The following FMN1 variants were observed in gnomAD, a reference collection of about 807,000 sequenced individuals.
FMN1 encodes formin-1.
Under a neutral mutation model 132.4 loss-of-function variants are expected in FMN1, and 110 were observed. That is an observed-to-expected ratio of 0.83 (90% CI 0.71 to 0.97). The LOEUF is 0.97. Among genes scored for constraint, FMN1 ranks in the 50% least tolerant of loss-of-function variants. FMN1 has a pLI of 0.00. For synonymous variants in FMN1, 722 were observed against 651.7 expected, an observed-to-expected ratio of 1.11 and a Z score of -1.64; for missense variants, 1,792 against 1,705.3, an observed-to-expected ratio of 1.05 and a Z score of -0.90.
intron 5 of FMN1, among the ~76,000 whole-genome samples, chr15:33,081,956 C>T (rs1456771610): frequency 6.6e-6 from 1 of 151,790 alleles, no homozygotes; most frequent in Non-Finnish European, 1.5e-5. Flanking sequence ...GTATGCAGGG[C>T]CTCACAGGTG....
At chr15:32,852,573 C>G (rs767764157) in intron 17 of FMN1, among the ~76,000 whole-genome samples, 1 of 152,160 alleles carries the variant, frequency 6.6e-6, no homozygotes, top group Non-Finnish European at 1.5e-5. Context: ...CACTTTGTTG[C>G]CCAGGCTGGT....
At chr15:32,873,805 T>C (rs2059573335) in intron 16 of FMN1, among the ~76,000 whole-genome samples, 2 of 152,094 alleles carry the variant, frequency 1.3e-5, no homozygotes, top group South Asian at 2.1e-4. Context: ...GTGATAAAAC[T>C]TAAAGTCATG....
At chr15:33,112,327 C>T (rs889894959) in intron 4 of FMN1, among the ~76,000 whole-genome samples, 8 of 150,124 alleles carry the variant, frequency 5.3e-5, no homozygotes, top group Non-Finnish European at 1.2e-4. Context: ...TTTCCATGAC[C>T]TTTGTTATTT....
chr15:32,890,148 T>TATCA (rs1555487163), intron 15 of FMN1, among the ~76,000 whole-genome samples: 19 of 152,000 alleles, frequency 1.3e-4, no homozygotes, highest in East Asian at 3.8e-4. Context: ...TATATATATA[T>TATCA]CAGTTTCTTT....
intron 4 of FMN1, among the ~76,000 whole-genome samples, chr15:33,102,437 A>G (rs2039330296): frequency 6.6e-6 from 1 of 152,102 alleles, no homozygotes; most frequent in Non-Finnish European, 1.5e-5. Flanking sequence ...AAGTAAATGG[A>G]AGCTAGTGTT....
chr15:33,069,993 C>CTTTTTTTTTTTTT (rs1171369156), intron 5 of FMN1, among the ~76,000 whole-genome samples: 7 of 74,324 alleles, frequency 9.4e-5, no homozygotes, highest in African/African-American at 2.6e-4. Context: ...CAGTCTTTCT[C>CTTTTTTTTTTTTT]TTTTTTTTTT....
At chr15:33,081,285 A>G (rs2038446671) in intron 5 of FMN1, among the ~76,000 whole-genome samples, 1 of 152,190 alleles carries the variant, frequency 6.6e-6, no homozygotes, top group South Asian at 2.1e-4. Flanking sequence ...CATTTGTAAC[A>G]TTTCCAACAA....
At chr15:32,968,608 A>C (rs2031464466) in intron 8 of FMN1, 106 bp downstream of exon 8, 5 of 1,513,054 alleles carry the variant, frequency 3.3e-6, no homozygotes, top group Non-Finnish European at 1.8e-6. Flanking sequence ...ATCACACTTG[A>C]TAATGGGTGC....
intron 10 of FMN1, 51 bp from the exon 11 acceptor site, chr15:32,910,586 T>C (rs1289329856): frequency 1.5e-6 from 2 of 1,340,762 alleles, no homozygotes; most frequent in African/African-American, 2.9e-5. Context: ...TTAGGTCCCC[T>C]GCACCAATGT....
intron 4 of FMN1, chr15:33,149,778 G>A (rs1029136441): frequency 9.2e-6 from 9 of 983,420 alleles, no homozygotes; most frequent in East Asian, 2.3e-4. Context: ...TATTAATGTC[G>A]TGACGCTTCT....
chr15:33,186,391 A>C (rs1405209516), intron 2 of FMN1, among the ~76,000 whole-genome samples: 1 of 152,092 alleles, frequency 6.6e-6, no homozygotes, highest in Non-Finnish European at 1.5e-5. Flanking sequence ...CCTCAAATAG[A>C]AAAGTGTTTA....
chr15:33,143,597 A>G (rs1382383481), intron 4 of FMN1, among the ~76,000 whole-genome samples: 1 of 152,140 alleles, frequency 6.6e-6, no homozygotes, highest in Non-Finnish European at 1.5e-5. Context: ...TGAAGATGGG[A>G]CACCAAGAAC....
intron 20 of FMN1, among the ~76,000 whole-genome samples, chr15:32,776,240 G>A (rs1391255253): frequency 6.6e-6 from 1 of 152,172 alleles, no homozygotes; most frequent in Non-Finnish European, 1.5e-5. Context: ...ACTATTGTCC[G>A]TAACACCTAG....
intron 4 of FMN1, among the ~76,000 whole-genome samples, chr15:33,104,552 G>A (rs779825220): frequency 1.3e-5 from 2 of 152,016 alleles, no homozygotes; most frequent in Non-Finnish European, 2.9e-5. Flanking sequence ...CAGCACAACT[G>A]AAACATGAGA....
intron 6 of FMN1, among the ~76,000 whole-genome samples, chr15:33,033,457 A>G (rs2036040869): frequency 6.6e-6 from 1 of 152,096 alleles, no homozygotes; most frequent in African/African-American, 2.4e-5. Flanking sequence ...CCACTTTCCT[A>G]TCAAACCCAA....
chr15:32,943,020 G>A (rs972982806), intron 9 of FMN1, among the ~76,000 whole-genome samples: 19 of 152,128 alleles, frequency 1.2e-4, no homozygotes, highest in African/African-American at 4.1e-4. Context: ...TCCAAAATAC[G>A]AAGTATTTCA....
intron 9 of FMN1, among the ~76,000 whole-genome samples, chr15:32,936,986 A>C (rs765178851): frequency 9.9e-5 from 15 of 152,132 alleles, no homozygotes; most frequent in Non-Finnish European, 1.0e-4. Context: ...CAGCACTCCA[A>C]GTCGGGCAAG....
intron 3 of FMN1, among the ~76,000 whole-genome samples, chr15:33,157,993 C>CA (rs71756813): frequency 0.052 from 6,472 of 123,312 alleles, 266 homozygotes; most frequent in African/African-American, 0.12. Context: ...CCCTGTCTTT[C>CA]AAAAAAAAAA....
intron 5 of FMN1, among the ~76,000 whole-genome samples, chr15:33,073,099 G>A (rs1049039987): frequency 6.6e-6 from 1 of 152,154 alleles, no homozygotes; most frequent in African/African-American, 2.4e-5. Flanking sequence ...TGCGAAAACT[G>A]GACACTGAAA....
Sources: gnomAD v4.1 joint callset for allele counts (sites outside exome capture counted in the v4.1 genomes callset) on GRCh38, gnomAD v4.1.1 for gene constraint, MANE v1.5 for transcripts, NCBI Gene and HGNC (gene_info 2026-07-23, HGNC 2026-07-21) for gene names.